CPNE5: variants seen among roughly 807,000 people sequenced by gnomAD.
The protein encoded by CPNE5 is copine 5.
Under a neutral mutation model 81.1 loss-of-function variants are expected in CPNE5, and 42 were observed. That is an observed-to-expected ratio of 0.52 (90% CI 0.40 to 0.67). The LOEUF is 0.67. CPNE5 is among the 30% of genes least tolerant of loss of function. The pLI, the probability that CPNE5 is intolerant of heterozygous loss-of-function variation, is 0.00. For synonymous variants in CPNE5, 313 were observed against 321.5 expected, an observed-to-expected ratio of 0.97 and a Z score of 0.28; for missense variants, 612 against 815.5, an observed-to-expected ratio of 0.75 and a Z score of 3.04.
chr6:36,775,169 G>A (rs763223459), intron 9 of CPNE5, 104 bp from the exon 10 acceptor site: 10 of 801,576 alleles, frequency 1.2e-5, no homozygotes, highest in African/African-American at 3.4e-5. Flanking sequence ...GTTCCTGGAC[G>A]ACGGAAATGA....
At chr6:36,834,054 C>T (rs2150624265) in intron 1 of CPNE5, among the ~76,000 whole-genome samples, 1 of 151,258 alleles carries the variant, frequency 6.6e-6, no homozygotes, top group South Asian at 2.1e-4. Flanking sequence ...CCGAGTATGA[C>T]CTCACCTCTA....
chr6:36,807,543 A>AG (rs1479175147), intron 3 of CPNE5, among the ~76,000 whole-genome samples: 1 of 152,154 alleles, frequency 6.6e-6, no homozygotes, highest in Non-Finnish European at 1.5e-5. Context: ...TCATCTCCCA[A>AG]GCCTTTAAAC....
intron 3 of CPNE5, among the ~76,000 whole-genome samples, chr6:36,808,775 G>A (rs934773141): frequency 1.3e-5 from 2 of 152,156 alleles, no homozygotes; most frequent in African/African-American, 4.8e-5. Context: ...TATCCATAAG[G>A]TCATTCATTT....
At chr6:36,750,710 A>C (rs1238638066) in intron 14 of CPNE5, among the ~76,000 whole-genome samples, 2 of 152,216 alleles carry the variant, frequency 1.3e-5, no homozygotes, top group Admixed American at 6.5e-5. Flanking sequence ...TGTTAGAGGT[A>C]GGGAGACATT....
At chr6:36,830,759 A>T (rs776736333) in intron 1 of CPNE5, among the ~76,000 whole-genome samples, 3 of 152,202 alleles carry the variant, frequency 2.0e-5, no homozygotes, top group Non-Finnish European at 4.4e-5. Context: ...ATGGGGTCAC[A>T]TACCTGCCTG....
rs746303116 is a variant in CPNE5 at position 36,839,247 on chromosome 6, G to T, written c.95+36C>A. 1 of 1,457,782 alleles carries T rather than the reference G, an allele frequency of 6.9e-7. No individual in the cohort carries two copies. Among genetic ancestry groups the T allele is most frequent in the Non-Finnish European group, 9.3e-7 (1 of 1,078,824 alleles). 90.3% of individuals were successfully genotyped at this position (1,457,782 alleles called of 1,614,324 possible). On this transcript the variant is annotated intron_variant, in intron 1 of 20. Transcript: ENST00000244751. The surrounding 1 kb of genome is among the most constrained non-coding windows in gnomAD (Gnocchi z 7.3). ...GGGGCCGCGGGGCTCTGCGTCCAGG[G>T]CCGGGGCAAGGGGACCCGGCCAGCG...
At chr6:36,756,430 C>A in intron 12 of CPNE5, 132 bp from the exon 13 acceptor site, 1 of 697,098 alleles carries the variant, frequency 1.4e-6, no homozygotes, top group Non-Finnish European at 2.5e-6. Flanking sequence ...GACCACGGGG[C>A]CAGGGGAGAA....
intron 1 of CPNE5, among the ~76,000 whole-genome samples, chr6:36,834,621 A>T (rs927999927): frequency 6.6e-6 from 1 of 151,126 alleles, no homozygotes. Flanking sequence ...GGGCCACTGT[A>T]CTCTACCCTG....
At chr6:36,775,426 C>A (rs535393672) in intron 9 of CPNE5, among the ~76,000 whole-genome samples, 1 of 152,312 alleles carries the variant, frequency 6.6e-6, no homozygotes, top group Admixed American at 6.5e-5. Flanking sequence ...AGGCAGTTAC[C>A]CTCTATCAAA....
At chr6:36,748,373 G>T in intron 14 of CPNE5, 106 bp from the exon 15 acceptor site, 1 of 975,494 alleles carries the variant, frequency 1.0e-6, no homozygotes, top group Non-Finnish European at 1.7e-6. Context: ...TGCTTGCCAG[G>T]TGTGTGGCCT....
At chr6:36,834,992 C>T (rs1256182098) in intron 1 of CPNE5, among the ~76,000 whole-genome samples, 1 of 152,146 alleles carries the variant, frequency 6.6e-6, no homozygotes, top group Non-Finnish European at 1.5e-5. Flanking sequence ...CAACAAAACG[C>T]CAACCCGAAC....
chr6:36,827,831 T>C (rs1583036817), intron 1 of CPNE5: 46 of 869,276 alleles, frequency 5.3e-5, no homozygotes, highest in Middle Eastern at 5.9e-4. Context: ...TTTCTTTCTT[T>C]GGAGAGCACA....
intron 3 of CPNE5, among the ~76,000 whole-genome samples, chr6:36,803,742 C>T (rs572373747): frequency 2.0e-5 from 3 of 152,284 alleles, no homozygotes; most frequent in East Asian, 1.9e-4. Context: ...AAATATTTGT[C>T]ACGCTAATTT....
intron 6 of CPNE5, 52 bp from the exon 7 acceptor site, chr6:36,794,701 C>G: frequency 6.6e-7 from 1 of 1,521,598 alleles, no homozygotes; most frequent in Non-Finnish European, 9.1e-7. Context: ...GTACCCCCAC[C>G]CAGACAGGCC....
At chr6:36,810,780 C>T (rs1430745743) in intron 3 of CPNE5, among the ~76,000 whole-genome samples, 1 of 152,186 alleles carries the variant, frequency 6.6e-6, no homozygotes, top group African/African-American at 2.4e-5. Context: ...AGGGAGTGAG[C>T]CATGACCTTG....
At chr6:36,819,243 C>T (rs561742454) in intron 3 of CPNE5, among the ~76,000 whole-genome samples, 1 of 152,336 alleles carries the variant, frequency 6.6e-6, no homozygotes, top group South Asian at 2.1e-4. Flanking sequence ...GCTGGAACTA[C>T]AGGCATGGGC....
rs1365122757 is a variant in CPNE5, at chr6:36,743,770, GGGA to G, written c.1490-11_1490-9del. 6.2e-7 allele frequency: 1 copy of G among 1,610,436 alleles called. No individual in the cohort carries two copies. The highest frequency in any genetic ancestry group is 1.7e-5 in the Admixed American group (1 of 60,012). On this transcript the variant is annotated splice_polypyrimidine_tract_variant and intron_variant, in intron 19 of 20. Transcript: ENST00000244751. ...CATCCAGCTCCACCATGGCTGTGAG[GGGA>G]GGAGTGTCATGGGGCGGGGTGAGAT...
At position 36,742,293 on chromosome 6, in the gene CPNE5, G is replaced by A. The variant is rs778477100; in HGVS notation, c.1757C>T (p.Ala586Val). ...TCAGATGTGCGTGTGCAGGGGGGAC[G>A]CAGGGGGCGTGCGGGCTGGGGACTG... ...PSQSPARTPP[A>V]SPLHTHI The change falls in exon 21 of 21, where the codon GCG (alanine) becomes GTG (valine). Residue 586 changes from alanine to valine, a missense_variant. Transcript: ENST00000244751. The A allele has an allele frequency of 8.1e-6, 13 of 1,599,470 alleles. No homozygotes were observed. Among genetic ancestry groups the A allele is most frequent in the Non-Finnish European group, 7.7e-6 (9 of 1,175,170 alleles).
At chr6:36,744,028 C>A (rs1033912006) in intron 19 of CPNE5, among the ~76,000 whole-genome samples, 9 of 152,246 alleles carry the variant, frequency 5.9e-5, no homozygotes, top group Non-Finnish European at 1.3e-4. Context: ...GGGGCCTCCT[C>A]CCCACAGCCT....
Sources: gnomAD v4.1 joint callset for allele counts (sites outside exome capture counted in the v4.1 genomes callset) on GRCh38, gnomAD v4.1.1 for gene constraint, Gnocchi (gnomAD v3.1) non-coding constraint, MANE v1.5 for transcripts, NCBI Gene and HGNC (gene_info 2026-07-23, HGNC 2026-07-21) for gene names.